The following GFM2 variants were observed in gnomAD, a reference collection of about 807,000 sequenced individuals.
GFM2 encodes the protein GTP dependent ribosome recycling factor mitochondrial 2, also known as ribosome-releasing factor 2, mitochondrial.
A neutral mutation model predicts 95.4 loss-of-function variants in GFM2; 72 were observed. The observed-to-expected ratio is 0.76, with a 90% CI of 0.62 to 0.92. GFM2 has a LOEUF of 0.92. GFM2 is among the 40% of genes least tolerant of loss of function. The pLI is 0.00. For synonymous variants in GFM2, 276 were observed against 317.5 expected, an observed-to-expected ratio of 0.87 and a Z score of 1.39; for missense variants, 825 against 924.1, an observed-to-expected ratio of 0.89 and a Z score of 1.39.
chr5:74,743,303 C>T (rs1743204849), intron 10 of GFM2, among the ~76,000 whole-genome samples: 1 of 152,068 alleles, frequency 6.6e-6, no homozygotes. Flanking sequence ...ATAGTAACTC[C>T]ATATTTAATT....
intron 16 of GFM2, among the ~76,000 whole-genome samples, chr5:74,731,751 C>A (rs1402660258): frequency 6.6e-6 from 1 of 152,064 alleles, no homozygotes; most frequent in Non-Finnish European, 1.5e-5. Flanking sequence ...ACTTGCAAAA[C>A]TATATTATGC....
At chr5:74,755,677 A>G (rs1743942635) in intron 5 of GFM2, among the ~76,000 whole-genome samples, 1 of 152,220 alleles carries the variant, frequency 6.6e-6, no homozygotes, top group South Asian at 2.1e-4. Context: ...TAAACCAGGA[A>G]GAAACAGAAA....
At chr5:74,744,043 G>C (rs556661876) in intron 10 of GFM2, among the ~76,000 whole-genome samples, 102 of 152,320 alleles carry the variant, frequency 6.7e-4, no homozygotes, top group African/African-American at 2.4e-3. Context: ...GAATCAGTTA[G>C]TGACAGGGAT....
intron 1 of GFM2, among the ~76,000 whole-genome samples, chr5:74,766,256 C>A (rs1039347351): frequency 6.6e-6 from 1 of 151,996 alleles, no homozygotes; most frequent in African/African-American, 2.4e-5. Flanking sequence ...GTGAGCCGAG[C>A]TCGTGCCCCT....
intron 7 of GFM2, among the ~76,000 whole-genome samples, chr5:74,748,726 G>A (rs1273619480): frequency 4.0e-5 from 6 of 151,398 alleles, no homozygotes; most frequent in African/African-American, 7.3e-5. Context: ...TTAGCCAGGC[G>A]TGGTGGTGCA....
At chr5:74,735,262 C>T (rs532051665) in intron 15 of GFM2, among the ~76,000 whole-genome samples, 1 of 152,168 alleles carries the variant, frequency 6.6e-6, no homozygotes, top group South Asian at 2.1e-4. Context: ...AGCAAGTGGA[C>T]ACAAAAAGAC....
chr5:74,750,450 T>G, intron 7 of GFM2, 129 bp downstream of exon 7: 1 of 573,604 alleles, frequency 1.7e-6, no homozygotes, highest in Non-Finnish European at 3.1e-6. Context: ...AAATTCTGAT[T>G]TCCTTTTACC....
intron 5 of GFM2, among the ~76,000 whole-genome samples, chr5:74,757,192 G>A (rs1214456912): frequency 1.3e-5 from 2 of 151,938 alleles, no homozygotes; most frequent in African/African-American, 2.4e-5. Flanking sequence ...ATAAAATTAA[G>A]GGCAATCACA....
intron 17 of GFM2, 36 bp downstream of exon 17, chr5:74,730,224 A>C: frequency 6.4e-7 from 1 of 1,573,686 alleles, no homozygotes. Flanking sequence ...AGACAGAAAG[A>C]GAGAAAAAGC....
chr5:74,732,289 A>G (rs1742614349), intron 16 of GFM2, among the ~76,000 whole-genome samples: 1 of 152,030 alleles, frequency 6.6e-6, no homozygotes, highest in African/African-American at 2.4e-5. Flanking sequence ...TGTTTTAATT[A>G]CTGTTATCAT....
At chr5:74,728,770 T>TTTTTTTTTTTGAGA (rs756604027) in intron 17 of GFM2, among the ~76,000 whole-genome samples, 3 of 113,840 alleles carry the variant, frequency 2.6e-5, no homozygotes, top group African/African-American at 4.1e-5. Context: ...TTTTTTTTTT[T>TTTTTTTTTTTGAGA]TTTTGAGATG....
chr5:74,759,679 A>AC, intron 3 of GFM2, among the ~76,000 whole-genome samples: 1 of 152,100 alleles, frequency 6.6e-6, no homozygotes, highest in Non-Finnish European at 1.5e-5. Context: ...ATACAGATTC[A>AC]CCCCAATCTC....
rs774469633 is a variant in GFM2, at chr5:74,736,870, A to G, written c.1436T>C (p.Leu479Ser). ...TTCTGGAATCTCCACTCCAGCCAAT[A>G]AAAGTCTCTCTGCTTCATTGTTTTG... Reference protein sequence around the residue: ...HRQNNEAERLLLAGVEIPEPV... With the variant: ...HRQNNEAERLSLAGVEIPEPV... The change falls in exon 15 of 21, where the codon TTA (leucine) becomes TCA (serine). Residue 479 changes from leucine to serine, a missense_variant. Physicochemically the swap from Leu to Ser is moderately radical, Grantham distance 145. Coordinates refer to ENST00000296805, the MANE Select transcript of GFM2 (RefSeq NM_032380.5). The G allele has an allele frequency of 6.2e-7, 1 of 1,613,822 alleles. No individual in the cohort carries two copies. The highest frequency in any genetic ancestry group is 8.5e-7 in the Non-Finnish European group (1 of 1,179,876).
chr5:74,737,867 G>A (rs1027630198), intron 14 of GFM2, among the ~76,000 whole-genome samples: 1 of 151,972 alleles, frequency 6.6e-6, no homozygotes, highest in African/African-American at 2.4e-5. Context: ...ACTGATCTAT[G>A]GACTGTAGGG....
chr5:74,750,234 G>A (rs868060292), intron 7 of GFM2, among the ~76,000 whole-genome samples: 1 of 152,084 alleles, frequency 6.6e-6, no homozygotes, highest in Non-Finnish European at 1.5e-5. Context: ...GAAATAAAGT[G>A]ACCCAGAAAG....
At position 74,746,151 on chromosome 5, in the gene GFM2, A is replaced by G; in HGVS notation, c.623T>C (p.Val208Ala). 6.5e-7 allele frequency: 1 copy of G among 1,535,614 alleles called. No individual in the cohort carries two copies. Among genetic ancestry groups the G allele is most frequent in the Middle Eastern group, 1.8e-4 (1 of 5,468 alleles). Residue 208 changes from valine to alanine, a missense_variant, in exon 9 of 21, where the codon GTT becomes GCT. By Grantham distance (64) the Val-to-Ala change is moderately conservative. Coordinates refer to ENST00000296805, the MANE Select transcript of GFM2 (RefSeq NM_032380.5). ...DKTGASFKYA[V>A]ESIREKLKAK... Reference sequence around the variant, plus strand: ...CTTTAACTTCTCTCTGATGCTTTCAACTGCATACTTAAAGCTGTAGAAAGC... The same window carrying G: ...CTTTAACTTCTCTCTGATGCTTTCAGCTGCATACTTAAAGCTGTAGAAAGC...
chr5:74,743,566 T>A (rs1489875445), intron 10 of GFM2, among the ~76,000 whole-genome samples: 1 of 152,176 alleles, frequency 6.6e-6, no homozygotes, highest in Admixed American at 6.5e-5. Flanking sequence ...TACTATCACA[T>A]CCTAGAAGAC....
chr5:74,725,653 C>G lies in GFM2; in HGVS notation c.2015G>C (p.Arg672Thr), dbSNP rs1750110684. ...STTMISACVS[R>T]CVQKALKKAD... ...ATAGTTCTATACCTTTTGCACGCAT[C>G]TTGAGACACAGGCAGAAATCATAGT... Residue 672 changes from arginine (R) to threonine (T), a missense_variant, in exon 19 of 21, where the codon AGA (arginine) becomes ACA (threonine). By Grantham distance (71) the Arg-to-Thr change is moderately conservative. Coordinates refer to ENST00000296805, the MANE Select transcript of GFM2 (RefSeq NM_032380.5). The G allele has an allele frequency of 2.5e-6, 4 of 1,612,020 alleles. 1 individual carries two copies. The highest frequency in any genetic ancestry group is 4.5e-5 in the East Asian group (2 of 44,854).
rs180796486 is a variant in GFM2, at chr5:74,754,430, G to C, written c.305-2937C>G. Among the ~76,000 whole-genome samples, 532 of 152,070 alleles carry C rather than the reference G, an allele frequency of 3.5e-3. 3 individuals are homozygous for C. Among genetic ancestry groups the C allele is most frequent in the Non-Finnish European group, 4.4e-3 (300 of 67,982 alleles). ...TTAAAAGATAAAGAATGGTAGAATG[G>C]ATAAGAGTTCACCAAGTACCTGCTG... On this transcript the variant is annotated intron_variant, in intron 5 of 20. Transcript: ENST00000296805.
Sources: gnomAD v4.1 joint callset for allele counts (sites outside exome capture counted in the v4.1 genomes callset) on GRCh38, gnomAD v4.1.1 for gene constraint, MANE v1.5 for transcripts, NCBI Gene and HGNC (gene_info 2026-07-23, HGNC 2026-07-21) for gene names.